Variants in KCNIP4 observed in about 807,000 individuals in gnomAD.
KCNIP4 encodes potassium voltage-gated channel interacting protein 4.
Under a neutral mutation model 34.0 loss-of-function variants are expected in KCNIP4, and 12 were observed. The observed-to-expected ratio is 0.35, with a 90% CI of 0.23 to 0.57. KCNIP4 has a LOEUF of 0.57. Ranked by LOEUF, KCNIP4 falls within the 20% of genes least tolerant of loss-of-function variation. KCNIP4 has a pLI of 0.83. For missense variants in KCNIP4, 238 were observed against 311.7 expected (o/e 0.76, Z 1.78); for synonymous variants, 124 against 102.2 (o/e 1.21, Z -1.29).
chr4:21,843,788 T>A (rs1723838552), intron 1 of KCNIP4: 9 of 152,098 alleles, frequency 5.9e-5, no homozygotes, highest in Admixed American at 5.9e-4. Context: ...TTGCAAGTAA[T>A]ATGACAATAT....
chr4:21,282,265 AT>A (rs1762824586), intron 1 of KCNIP4, among the ~76,000 whole-genome samples: 3 of 152,212 alleles, frequency 2.0e-5, no homozygotes. Flanking sequence ...ACTTAAATAC[AT>A]TATTGTTAAA....
At chr4:20,986,844 G>A (rs1295490635) in intron 1 of KCNIP4, among the ~76,000 whole-genome samples, 1 of 152,168 alleles carries the variant, frequency 6.6e-6, no homozygotes, top group Non-Finnish European at 1.5e-5. Context: ...TTCCCTTCAG[G>A]ACAATAGCAT....
chr4:21,176,191 A>C (rs1390207894), intron 1 of KCNIP4, among the ~76,000 whole-genome samples: 1 of 152,182 alleles, frequency 6.6e-6, no homozygotes, highest in Non-Finnish European at 1.5e-5. Context: ...CTGCAGACCA[A>C]ATTTTTATTC....
intron 1 of KCNIP4, among the ~76,000 whole-genome samples, chr4:21,611,465 G>T (rs1012370071): frequency 1.3e-5 from 2 of 152,062 alleles, no homozygotes; most frequent in Non-Finnish European, 2.9e-5. Context: ...CTAGATACAT[G>T]GGGATTATGG....
At chr4:20,851,850 G>A (rs1393325353) in intron 2 of KCNIP4, among the ~76,000 whole-genome samples, 1 of 152,136 alleles carries the variant, frequency 6.6e-6, no homozygotes, top group African/African-American at 2.4e-5. Flanking sequence ...CTACAAGATA[G>A]CCTCTGATAA....
intron 1 of KCNIP4, among the ~76,000 whole-genome samples, chr4:21,727,944 C>T (rs762128413): frequency 6.6e-6 from 1 of 152,134 alleles, no homozygotes; most frequent in Non-Finnish European, 1.5e-5. Flanking sequence ...AACTAATAAA[C>T]AGGCCAGGCA....
At position 21,168,673 on chromosome 4, in the gene KCNIP4, C is replaced by T. The variant is rs181502161; in HGVS notation, c.62-285964G>A. ...GGGAGATAACTAGTATCTACTGAGT[C>T]CCCACTATATGCTCACACAGAAACT... On this transcript the variant is annotated intron_variant, in intron 1 of 8. Coordinates refer to ENST00000382152, the MANE Select transcript of KCNIP4 (RefSeq NM_025221.6). 9.2e-5 allele frequency among the ~76,000 whole-genome samples: 14 copies of T among 152,266 alleles called. No homozygotes were observed. The East Asian group carries it at 2.7e-3, about 29-fold the overall frequency.
chr4:20,829,609 T>C (rs1199102826), intron 3 of KCNIP4, among the ~76,000 whole-genome samples: 2 of 152,156 alleles, frequency 1.3e-5, no homozygotes, highest in African/African-American at 4.8e-5. Context: ...AATATACTTT[T>C]AGTTTAGCTA....
At chr4:21,430,426 G>A (rs1051670180) in intron 1 of KCNIP4, among the ~76,000 whole-genome samples, 3 of 150,994 alleles carry the variant, frequency 2.0e-5, no homozygotes, top group African/African-American at 7.3e-5. Context: ...GGGGGGGTGG[G>A]GTCATGCAAT....
At chr4:20,894,284 C>G (rs1289982152) in intron 1 of KCNIP4, among the ~76,000 whole-genome samples, 1 of 152,176 alleles carries the variant, frequency 6.6e-6, no homozygotes, top group East Asian at 1.9e-4. Context: ...GTTGATTCTT[C>G]TGATGGCGAG....
In KCNIP4 at chr4:21,247,578, C is replaced by CATATATATATATATATATAT. The variant is rs368574338; in HGVS notation, c.62-364870_62-364869insATATATATATATATATATAT. On this transcript the variant is annotated intron_variant, in intron 1 of 8. Transcript: ENST00000382152. ...CTATATATTTATATAGATATAAATA[C>CATATATATATATATATATAT]ATATATATATATATACACCACAGAT... Among the ~76,000 whole-genome samples the CATATATATATATATATATAT allele has an allele frequency of 3.9e-4, 52 of 133,960 alleles. 1 individual carries two copies. Among genetic ancestry groups the CATATATATATATATATATAT allele is most frequent in the Middle Eastern group, 7.8e-3 (2 of 258 alleles). 87.9% of individuals were successfully genotyped at this position (133,960 alleles called of 152,430 possible).
At chr4:21,105,521 T>A (rs1310793090) in intron 1 of KCNIP4, among the ~76,000 whole-genome samples, 3 of 151,688 alleles carry the variant, frequency 2.0e-5, no homozygotes, top group South Asian at 4.1e-4. Context: ...TTTCTAGATA[T>A]ACAATCATGT....
chr4:20,829,724 G>A (rs1718191239), intron 3 of KCNIP4, among the ~76,000 whole-genome samples: 1 of 152,108 alleles, frequency 6.6e-6, no homozygotes, highest in Admixed American at 6.5e-5. Flanking sequence ...TAAGTTTGAA[G>A]CTGATTTAAT....
intron 1 of KCNIP4, among the ~76,000 whole-genome samples, chr4:21,672,325 C>T (rs1300279246): frequency 7.0e-6 from 1 of 143,510 alleles, no homozygotes; most frequent in Non-Finnish European, 1.5e-5. Context: ...TTCTGTAACA[C>T]ATCTGCTGTG....
chr4:21,870,876 C>T (rs983525240), intron 1 of KCNIP4, among the ~76,000 whole-genome samples: 1 of 151,932 alleles, frequency 6.6e-6, no homozygotes, highest in Non-Finnish European at 1.5e-5. Context: ...AGATGAGGCA[C>T]ATGAAGCAAT....
intron 1 of KCNIP4, among the ~76,000 whole-genome samples, chr4:21,614,273 A>G (rs1400741708): frequency 6.6e-6 from 1 of 151,996 alleles, no homozygotes; most frequent in Non-Finnish European, 1.5e-5. Context: ...TCTTGACATG[A>G]GGGATGCAGG....
chr4:21,079,322 T>C (rs1389221490), intron 1 of KCNIP4, among the ~76,000 whole-genome samples: 1 of 152,152 alleles, frequency 6.6e-6, no homozygotes, highest in African/African-American at 2.4e-5. Flanking sequence ...ATGTAATAAA[T>C]GCTCAGTAAG....
At chr4:20,899,473 A>C (rs1726924620) in intron 1 of KCNIP4, among the ~76,000 whole-genome samples, 2 of 152,194 alleles carry the variant, frequency 1.3e-5, no homozygotes, top group Non-Finnish European at 2.9e-5. Flanking sequence ...AAGTAAAATA[A>C]TGCCATGACA....
chr4:21,874,764 A>G (rs1349065042), intron 1 of KCNIP4, among the ~76,000 whole-genome samples: 3 of 152,220 alleles, frequency 2.0e-5, no homozygotes, highest in Non-Finnish European at 2.9e-5. Flanking sequence ...ATTTATATAA[A>G]TACATATCAC....
Sources: gnomAD v4.1 joint callset for allele counts (sites outside exome capture counted in the v4.1 genomes callset) on GRCh38, gnomAD v4.1.1 for gene constraint, MANE v1.5 for transcripts, NCBI Gene and HGNC (gene_info 2026-07-23, HGNC 2026-07-21) for gene names.